Variants in TMEM182 observed in about 807,000 individuals in gnomAD.
The protein encoded by TMEM182 is transmembrane protein 182.
TMEM182 carries 20 observed loss-of-function variants against 26.8 expected under a neutral mutation model. That is an observed-to-expected ratio of 0.75 (90% CI 0.53 to 1.09). The LOEUF is 1.09. Among genes scored for constraint, TMEM182 ranks in the 50% least tolerant of loss-of-function variants. The pLI is 0.00. For missense variants in TMEM182, 277 were observed against 275.5 expected (o/e 1.01, Z -0.04); for synonymous variants, 109 against 102.2 (o/e 1.07, Z -0.40).
At chr2:102,782,549 C>G (rs895980411) in intron 3 of TMEM182, among the ~76,000 whole-genome samples, 1 of 152,066 alleles carries the variant, frequency 6.6e-6, no homozygotes, top group African/African-American at 2.4e-5. Flanking sequence ...AATCTTAATA[C>G]ACTACCTCAT....
chr2:102,736,950 T>C lies in TMEM182; in HGVS notation c.-146T>C, dbSNP rs372810465. On this transcript the variant is annotated 5_prime_UTR_variant, in exon 1 of 6. Transcript: ENST00000409173. ...GCTACCTGGCAGCTCCGCGGGTGCG[T>C]GGCCGGTGCTGGCTGGGAGTTCTGG... The C allele has an allele frequency of 1.1e-3, 1,121 of 1,027,108 alleles. 11 individuals carry two copies. In the African/African-American group the frequency reaches 0.016, roughly 15 times the overall value. The allele number at this position is 1,027,108 out of a possible 1,614,324, so 63.6% of individuals were successfully genotyped here.
intron 4 of TMEM182, among the ~76,000 whole-genome samples, chr2:102,801,574 G>C (rs1397648823): frequency 6.6e-6 from 1 of 152,190 alleles, no homozygotes; most frequent in East Asian, 1.9e-4. Flanking sequence ...CCGTTGCTAT[G>C]GTGCCCAGAT....
intron 3 of TMEM182, among the ~76,000 whole-genome samples, chr2:102,771,094 T>C (rs1473717201): frequency 1.3e-5 from 2 of 152,162 alleles, no homozygotes; most frequent in Admixed American, 1.3e-4. Context: ...TTGTCCTAAA[T>C]ACAGCAAATC....
In TMEM182 at chr2:102,839,472, A is replaced by T. The variant is rs369261371; in HGVS notation, c.326-3940A>T. On this transcript the variant is annotated intron_variant, in intron 3 of 3. Coordinates refer to the TMEM182 transcript ENST00000486293. ...CTATATATATATATATATATATATA[A>T]TATATACACACAAAAATAATTCCTG... 9.1e-3 allele frequency among the ~76,000 whole-genome samples: 714 copies of T among 78,566 alleles called. 5 individuals are homozygous for T. The highest frequency in any genetic ancestry group is 0.031 in the African/African-American group (698 of 22,346). The allele number at this position is 78,566 out of a possible 152,430, so 51.5% of individuals were successfully genotyped here.
chr2:102,754,750 G>A (rs1409055424), intron 1 of TMEM182, among the ~76,000 whole-genome samples: 1 of 142,680 alleles, frequency 7.0e-6, no homozygotes, highest in African/African-American at 2.7e-5. Context: ...GCAACATTAG[G>A]ATTAGAAATT....
chr2:102,750,469 C>A (rs1346401567), intron 1 of TMEM182, among the ~76,000 whole-genome samples: 4 of 152,200 alleles, frequency 2.6e-5, no homozygotes, highest in Non-Finnish European at 5.9e-5. Context: ...AGCAAACGTA[C>A]ACCTTCCCAG....
chr2:102,818,748 ATC>A (rs1009011492), downstream of TMEM182, among the ~76,000 whole-genome samples: 1 of 133,242 alleles, frequency 7.5e-6, no homozygotes, highest in African/African-American at 2.7e-5. Context: ...ATTTAATCCT[ATC>A]TATCTATCTA....
At chr2:102,786,777 TTTA>T (rs907473698) in intron 3 of TMEM182, among the ~76,000 whole-genome samples, 16 of 152,142 alleles carry the variant, frequency 1.1e-4, no homozygotes, top group African/African-American at 3.9e-4. Flanking sequence ...TTACTCATAT[TTTA>T]TTGAGCACCT....
chr2:102,763,757 AT>A (rs1391429078), intron 2 of TMEM182, among the ~76,000 whole-genome samples: 1 of 152,220 alleles, frequency 6.6e-6, no homozygotes, highest in Admixed American at 6.5e-5. Flanking sequence ...ATATTTCAAT[AT>A]TTCAGTCCAC....
intron 4 of TMEM182, among the ~76,000 whole-genome samples, chr2:102,807,200 G>A (rs1243775224): frequency 6.6e-6 from 1 of 152,160 alleles, no homozygotes; most frequent in Non-Finnish European, 1.5e-5. Flanking sequence ...CAAACTATGA[G>A]TCTAGAAAAT....
chr2:102,740,347 G>A (rs550827364), intron 1 of TMEM182, among the ~76,000 whole-genome samples: 6 of 152,108 alleles, frequency 3.9e-5, no homozygotes, highest in Non-Finnish European at 5.9e-5. Context: ...TCTCGTGATA[G>A]TGAGTGAGTT....
In TMEM182 at chr2:102,762,100, C is replaced by T. The variant is rs570119027; in HGVS notation, c.-118C>T. On this transcript the variant is annotated 5_prime_UTR_variant, in exon 1 of 5. Coordinates refer to ENST00000412401, the MANE Select transcript of TMEM182 (RefSeq NM_144632.5). Reference sequence around the variant, plus strand: ...CTAGGACAGCCTTCTCAAGAAGATTCTGCCAACTCAAAAATATTATTCTTT... The same window carrying T: ...CTAGGACAGCCTTCTCAAGAAGATTTTGCCAACTCAAAAATATTATTCTTT... The T allele has an allele frequency of 2.8e-5, 25 of 903,928 alleles. No individual in the cohort carries two copies. Among genetic ancestry groups the T allele is most frequent in the Non-Finnish European group, 3.9e-5 (24 of 617,886 alleles). 56.0% of individuals were successfully genotyped at this position (903,928 alleles called of 1,614,324 possible).
Position 102,815,148 on chromosome 2 carries a change from A to G in TMEM182, c.*180A>G. The G allele has an allele frequency of 7.0e-7, 1 of 1,420,086 alleles. No individual in the cohort carries two copies. The highest frequency in any genetic ancestry group is 9.1e-7 in the Non-Finnish European group (1 of 1,093,778). The allele number at this position is 1,420,086 out of a possible 1,614,324, so 88.0% of individuals were successfully genotyped here. On this transcript the variant is annotated 3_prime_UTR_variant, in exon 5 of 5. Transcript: ENST00000412401. The stretch of plus-strand genomic sequence containing the variant: ...AGGTCCTAGAATCTCTCCAGACACC[A>G]GCAAGCCTCTATCTTGTCTAAGTGC...
intron 4 of TMEM182, among the ~76,000 whole-genome samples, chr2:102,810,138 A>T (rs1682497100): frequency 1.3e-5 from 2 of 152,206 alleles, no homozygotes; most frequent in South Asian, 4.1e-4. Flanking sequence ...TTAAAAAAAA[A>T]TACATGTAAG....
chr2:102,800,172 T>C (rs1682060119), intron 4 of TMEM182, among the ~76,000 whole-genome samples: 1 of 152,200 alleles, frequency 6.6e-6, no homozygotes, highest in African/African-American at 2.4e-5. Flanking sequence ...CAACCTACCA[T>C]TTTGATGTGT....
At chr2:102,841,010 C>T (rs1052617048) in intron 3 of TMEM182, among the ~76,000 whole-genome samples, 116 of 151,462 alleles carry the variant, frequency 7.7e-4, no homozygotes, top group African/African-American at 2.7e-3. Flanking sequence ...TGCCAGGGGA[C>T]TTTTTTTTTC....
chr2:102,806,388 A>G (rs1480404989), intron 4 of TMEM182, among the ~76,000 whole-genome samples: 1 of 152,154 alleles, frequency 6.6e-6, no homozygotes, highest in Non-Finnish European at 1.5e-5. Context: ...GCCTGGATTC[A>G]CCTTCTGTTC....
intron 3 of TMEM182, among the ~76,000 whole-genome samples, chr2:102,790,056 T>C (rs1328550992): frequency 9.2e-5 from 14 of 152,222 alleles, no homozygotes; most frequent in Non-Finnish European, 2.1e-4. Context: ...AGCATACCTC[T>C]ACTAGGTATG....
intron 3 of TMEM182, among the ~76,000 whole-genome samples, chr2:102,794,048 T>A (rs1681763483): frequency 6.6e-6 from 1 of 152,186 alleles, no homozygotes; most frequent in African/African-American, 2.4e-5. Flanking sequence ...CCAGCCTGTA[T>A]GACAGAGCAA....
Sources: gnomAD v4.1 joint callset for allele counts (sites outside exome capture counted in the v4.1 genomes callset) on GRCh38, gnomAD v4.1.1 for gene constraint, MANE v1.5 for transcripts, NCBI Gene and HGNC (gene_info 2026-07-23, HGNC 2026-07-21) for gene names.